KANK1: variants seen among roughly 807,000 people sequenced by gnomAD.
The protein encoded by KANK1 is KN motif and ankyrin repeat domain-containing protein 1.
A neutral mutation model predicts 106.2 loss-of-function variants in KANK1; 109 were observed. That is an observed-to-expected ratio of 1.03 (90% CI 0.88 to 1.20). KANK1 has a LOEUF of 1.20. Among genes scored for constraint, KANK1 ranks in the 50% most tolerant of loss-of-function variants. The probability of loss-of-function intolerance (pLI) is 0.00; values close to 1 mark genes in which losing one functional copy is unlikely to be tolerated. For missense variants in KANK1, 2,399 were observed against 1,710.7 expected (o/e 1.40, Z -7.10); for synonymous variants, 873 against 652.2 (o/e 1.34, Z -5.16).
chr9:652,042 T>C (rs1267291346), intron 1 of KANK1, among the ~76,000 whole-genome samples: 1 of 152,214 alleles, frequency 6.6e-6, no homozygotes, highest in Non-Finnish European at 1.5e-5. Context: ...GGAGAGAATA[T>C]AAATTAATAC....
chr9:717,149 A>G (rs1827938398), intron 3 of KANK1, among the ~76,000 whole-genome samples: 2 of 151,780 alleles, frequency 1.3e-5, no homozygotes, highest in Non-Finnish European at 2.9e-5. Flanking sequence ...GCCAGGCGTG[A>G]TGGCAGATGC....
intron 7 of KANK1, among the ~76,000 whole-genome samples, chr9:737,053 TTAAAG>T (rs1833987124): frequency 6.6e-6 from 1 of 152,168 alleles, no homozygotes; most frequent in Non-Finnish European, 1.5e-5. Context: ...GTGAAAGTGT[TTAAAG>T]TATTGTGTTG....
chr9:541,257 A>G (rs2060581448), intron 1 of KANK1, among the ~76,000 whole-genome samples: 1 of 152,178 alleles, frequency 6.6e-6, no homozygotes, highest in African/African-American at 2.4e-5. Flanking sequence ...CAGAATAGAG[A>G]CCCCAGAAAT....
In KANK1 at chr9:512,788, C is replaced by T. The variant is rs567769420; in HGVS notation, c.-84+8034C>T. 5.9e-5 allele frequency among the ~76,000 whole-genome samples: 9 copies of T among 152,278 alleles called. No homozygotes were observed. In the South Asian group the frequency reaches 1.9e-3, roughly 32 times the overall value. On this transcript the variant is annotated intron_variant, in intron 1 of 11. Coordinates refer to ENST00000382297, the MANE Select transcript of KANK1 (RefSeq NM_015158.5). Reference sequence around the variant, plus strand: ...TCTATGCTTGAGTTCATAAATTTGACAGTGTCTGTTAACTTCCTGCTAAGG... The same window carrying T: ...TCTATGCTTGAGTTCATAAATTTGATAGTGTCTGTTAACTTCCTGCTAAGG...
chr9:653,866 T>G (rs1468432368), intron 1 of KANK1, among the ~76,000 whole-genome samples: 1 of 152,236 alleles, frequency 6.6e-6, no homozygotes, highest in Non-Finnish European at 1.5e-5. Context: ...GCTGTTAGAT[T>G]GTCATTCCAA....
At position 566,901 on chromosome 9, in the gene KANK1, A is replaced by G. The variant is rs1393431246; in HGVS notation, c.-84+62147A>G. Reference sequence around the variant, plus strand: ...TTTGCTTTTGTTGGAATTCCTTTTGACATTCTCGTCACGAAATCTTTGCCC... The same window carrying G: ...TTTGCTTTTGTTGGAATTCCTTTTGGCATTCTCGTCACGAAATCTTTGCCC... On this transcript the variant is annotated intron_variant, in intron 1 of 11. Transcript: ENST00000382297. Among the ~76,000 whole-genome samples the G allele has an allele frequency of 4.6e-5, 7 of 152,080 alleles. No homozygotes were observed. In the South Asian group the frequency reaches 8.3e-4, roughly 18 times the overall value.
intron 1 of KANK1, among the ~76,000 whole-genome samples, chr9:527,162 A>G (rs1222627328): frequency 6.6e-6 from 1 of 151,534 alleles, no homozygotes; most frequent in East Asian, 1.9e-4. Context: ...CTGTCCATTC[A>G]TCCTTTCTTC....
intron 1 of KANK1, among the ~76,000 whole-genome samples, chr9:555,431 T>C (rs188537648): frequency 2.0e-5 from 3 of 152,338 alleles, no homozygotes; most frequent in East Asian, 3.9e-4. Flanking sequence ...CTGCTATGTA[T>C]ATGGCATAGT....
At chr9:742,044 G>A (rs1318427216) in intron 9 of KANK1, among the ~76,000 whole-genome samples, 161 bp from the exon 10 acceptor site, 1 of 152,168 alleles carries the variant, frequency 6.6e-6, no homozygotes, top group African/African-American at 2.4e-5. Flanking sequence ...ATGGGAAGCT[G>A]GTTTCTCCCT....
rs76830698 is a variant in KANK1, at chr9:611,548, C to T, written c.-83-65342C>T. 5.7e-3 allele frequency among the ~76,000 whole-genome samples: 872 copies of T among 152,322 alleles called. 11 individuals carry two copies. The highest frequency in any genetic ancestry group is 0.02 in the African/African-American group (817 of 41,556). The stretch of plus-strand genomic sequence containing the variant: ...CCACTGAGGAAGTTACATTTCACTT[C>T]ACTTCTTAATAACATAGGTATGTCG... On this transcript the variant is annotated intron_variant, in intron 1 of 11. Transcript: ENST00000382297.
At chr9:477,966 G>C in intron 3 of KANK1, 1 of 161,370 alleles carries the variant, frequency 6.2e-6, no homozygotes, top group South Asian at 1.7e-4. Context: ...CTCTGGACCT[G>C]TCTCCAAAAT....
chr9:620,607 A>G (rs1001509695), intron 1 of KANK1, among the ~76,000 whole-genome samples: 9 of 151,996 alleles, frequency 5.9e-5, no homozygotes, highest in Non-Finnish European at 8.8e-5. Flanking sequence ...GGGTTTCACT[A>G]TGTTGGCCAG....
At chr9:619,838 T>G (rs1172117989) in intron 1 of KANK1, among the ~76,000 whole-genome samples, 1 of 152,138 alleles carries the variant, frequency 6.6e-6, no homozygotes, top group Non-Finnish European at 1.5e-5. Flanking sequence ...GTTAGCTAGT[T>G]TAAATTCTTT....
intron 1 of KANK1, among the ~76,000 whole-genome samples, chr9:578,818 C>A (rs1256787307): frequency 6.6e-6 from 1 of 152,102 alleles, no homozygotes; most frequent in African/African-American, 2.4e-5. Flanking sequence ...TCATTTTCTC[C>A]CACCTCTGTA....
At chr9:640,132 CAA>C (rs1294186942) in intron 1 of KANK1, among the ~76,000 whole-genome samples, 4 of 152,178 alleles carry the variant, frequency 2.6e-5, no homozygotes, top group Admixed American at 2.6e-4. Flanking sequence ...TTTGTATTCC[CAA>C]CTCTATGCTT....
At chr9:677,234 G>C (rs1816591317) in intron 2 of KANK1, among the ~76,000 whole-genome samples, 1 of 152,146 alleles carries the variant, frequency 6.6e-6, no homozygotes, top group Non-Finnish European at 1.5e-5. Context: ...TATTACCTAA[G>C]TCAATTCTGT....
intron 3 of KANK1, among the ~76,000 whole-genome samples, chr9:491,016 G>T (rs1447461411): frequency 6.9e-6 from 1 of 143,908 alleles, no homozygotes; most frequent in African/African-American, 2.7e-5. Flanking sequence ...CTGGCGTGCA[G>T]TGGTACAACC....
intron 1 of KANK1, among the ~76,000 whole-genome samples, chr9:599,955 A>G (rs1004361379): frequency 1.3e-5 from 2 of 151,838 alleles, no homozygotes; most frequent in East Asian, 3.8e-4. Flanking sequence ...TAACAATTTT[A>G]TACCCACATC....
At chr9:581,033 C>A (rs991913677) in intron 1 of KANK1, among the ~76,000 whole-genome samples, 2 of 152,000 alleles carry the variant, frequency 1.3e-5, no homozygotes, top group Admixed American at 1.3e-4. Context: ...CCCTCACTGC[C>A]CAGGGGCCGG....
Sources: allele counts gnomAD v4.1 joint callset (sites outside exome capture counted in the v4.1 genomes callset), GRCh38; gene constraint gnomAD v4.1.1; transcripts MANE v1.5; gene names NCBI Gene and HGNC (gene_info 2026-07-23, HGNC 2026-07-21).